The following GAREM1 variants were observed in gnomAD, a reference collection of about 807,000 sequenced individuals.
The protein encoded by GAREM1 is GRB2 associated regulator of MAPK1 subtype 1.
In GAREM1, 26 loss-of-function variants were observed where a neutral mutation model predicts 71.3. The ratio of observed to expected loss-of-function variants is 0.36; its 90% CI spans 0.27 to 0.51. GAREM1 has a LOEUF of 0.51. GAREM1 is among the 20% of genes least tolerant of loss of function. The pLI, the probability that GAREM1 is intolerant of heterozygous loss-of-function variation, is 0.95. For synonymous variants in GAREM1, 440 were observed against 433.2 expected (o/e 1.02, Z -0.20); for missense variants, 1,026 against 1,103.1 (o/e 0.93, Z 0.99).
intron 4 of GAREM1, among the ~76,000 whole-genome samples, chr18:32,285,878 C>T (rs1021583142): frequency 6.6e-6 from 1 of 152,162 alleles, no homozygotes; most frequent in East Asian, 1.9e-4. Context: ...CCCAGGGTTC[C>T]AGAAAGGTGT....
intron 1 of GAREM1, among the ~76,000 whole-genome samples, chr18:32,464,043 T>TTTG (rs2048976861): frequency 6.7e-6 from 1 of 148,992 alleles, no homozygotes; most frequent in Admixed American, 6.6e-5. Context: ...ATCCCAGCAC[T>TTTG]TTGAGAGGCC....
chr18:32,437,113 A>G (rs903105556), intron 1 of GAREM1, among the ~76,000 whole-genome samples: 1 of 152,244 alleles, frequency 6.6e-6, no homozygotes, highest in Non-Finnish European at 1.5e-5. Flanking sequence ...TAAAATGATG[A>G]AAGTGACAAA....
chr18:32,428,764 A>G (rs917697271), intron 1 of GAREM1, among the ~76,000 whole-genome samples: 1 of 152,220 alleles, frequency 6.6e-6, no homozygotes, highest in Non-Finnish European at 1.5e-5. Flanking sequence ...CCCAGACACA[A>G]CATTTAATAC....
At chr18:32,318,612 C>T (rs2047402621) in intron 2 of GAREM1, among the ~76,000 whole-genome samples, 1 of 152,206 alleles carries the variant, frequency 6.6e-6, no homozygotes, top group Admixed American at 6.5e-5. Flanking sequence ...GATGAAGATG[C>T]AGCTCCGCAT....
chr18:32,469,309 C>T (rs1015213947), intron 1 of GAREM1, among the ~76,000 whole-genome samples: 3 of 152,204 alleles, frequency 2.0e-5, no homozygotes, highest in Non-Finnish European at 4.4e-5. Context: ...TTCTTCTGAC[C>T]TGGCCTGTGT....
At chr18:32,359,127 AGTTTT>A (rs1334754685) in intron 2 of GAREM1, among the ~76,000 whole-genome samples, 1 of 152,222 alleles carries the variant, frequency 6.6e-6, no homozygotes, top group Non-Finnish European at 1.5e-5. Context: ...TGCCTGCTTT[AGTTTT>A]AAGTCAAACT....
intron 1 of GAREM1, among the ~76,000 whole-genome samples, chr18:32,396,182 C>T (rs550968261): frequency 4.0e-4 from 61 of 152,146 alleles, no homozygotes; most frequent in African/African-American, 8.0e-4. Flanking sequence ...CCATCAAAGA[C>T]CAAAAGTAGA....
At chr18:32,394,083 A>C (rs2048228566) in intron 1 of GAREM1, among the ~76,000 whole-genome samples, 1 of 152,208 alleles carries the variant, frequency 6.6e-6, no homozygotes, top group African/African-American at 2.4e-5. Flanking sequence ...AAAATGTCTA[A>C]TTTGTTTCCA....
chr18:32,290,472 GTC>G (rs1179550444), intron 3 of GAREM1: 26 of 151,738 alleles, frequency 1.7e-4, no homozygotes, highest in African/African-American at 5.8e-4. Flanking sequence ...GGTGAAACCT[GTC>G]TCTATTAAAA....
chr18:32,367,425 C>T (rs2047937219), intron 2 of GAREM1, among the ~76,000 whole-genome samples: 2 of 152,124 alleles, frequency 1.3e-5, no homozygotes, highest in South Asian at 4.1e-4. Context: ...CAGACAAAGC[C>T]TCTTCTTCTC....
chr18:32,284,840 C>T (rs561090934), intron 4 of GAREM1, among the ~76,000 whole-genome samples: 82 of 151,592 alleles, frequency 5.4e-4, no homozygotes, highest in African/African-American at 1.9e-3. Flanking sequence ...AGCTCCACCT[C>T]CTGGGTTCAT....
chr18:32,374,274 T>C (rs1314168300), intron 2 of GAREM1, among the ~76,000 whole-genome samples: 1 of 152,220 alleles, frequency 6.6e-6, no homozygotes, highest in African/African-American at 2.4e-5. Context: ...CGTTCAGTCA[T>C]TACATCTCAC....
At chr18:32,307,812 T>G (rs1008503751) in intron 3 of GAREM1, among the ~76,000 whole-genome samples, 1 of 152,210 alleles carries the variant, frequency 6.6e-6, no homozygotes, top group Non-Finnish European at 1.5e-5. Context: ...TGTGAGCCAC[T>G]GTGCCCTGGC....
At chr18:32,379,864 CAT>C (rs1411178801) in intron 2 of GAREM1, among the ~76,000 whole-genome samples, 2 of 152,132 alleles carry the variant, frequency 1.3e-5, no homozygotes, top group Non-Finnish European at 2.9e-5. Flanking sequence ...TTAAAAATCA[CAT>C]GTCATGTAGA....
intron 3 of GAREM1, among the ~76,000 whole-genome samples, chr18:32,295,712 T>C (rs1432834209): frequency 6.6e-6 from 1 of 152,218 alleles, no homozygotes; most frequent in African/African-American, 2.4e-5. Context: ...TTGTTTCCAA[T>C]AGTGAAGTGA....
chr18:32,313,630 G>T (rs2047346753), intron 2 of GAREM1, among the ~76,000 whole-genome samples: 1 of 152,192 alleles, frequency 6.6e-6, no homozygotes, highest in African/African-American at 2.4e-5. Context: ...AGGCTTGGTA[G>T]GTAACTGACA....
rs2047039472 is a variant in GAREM1, at chr18:32,287,706, A to G, written c.891T>C (p.Phe297=). ...ACTTGGGGACAGTCAAGTGCAAAGG[A>G]AAGTGCATGGGGAGGATCTTGTTGT... ...LRNNKILPMH[F]PLHLTVPKFS... is the part of the protein sequence containing the mutation. Residue 297 remains phenylalanine, a synonymous_variant, in exon 4 of 6, where the codon TTT becomes TTC. Transcript: ENST00000269209. The surrounding 1 kb of genome is among the most constrained non-coding windows in gnomAD (Gnocchi z 5.9). The G allele has an allele frequency of 4.3e-6, 7 of 1,614,146 alleles. No individual in the cohort carries two copies. Among genetic ancestry groups the G allele is most frequent in the South Asian group, 1.1e-5 (1 of 91,070 alleles).
At chr18:32,275,695 T>A (rs1489414185) in intron 4 of GAREM1, among the ~76,000 whole-genome samples, 1 of 152,194 alleles carries the variant, frequency 6.6e-6, no homozygotes, top group Admixed American at 6.5e-5. Flanking sequence ...TCTTTTTTTT[T>A]GAGACTGAGT....
At position 32,268,394 on chromosome 18, in the gene GAREM1, A is replaced by G; in HGVS notation, c.2108T>C (p.Leu703Pro). Residue 703 changes from leucine to proline, a missense_variant, in exon 6 of 6, where the codon CTG becomes CCG. Coordinates refer to ENST00000269209, the MANE Select transcript of GAREM1 (RefSeq NM_001242409.2). ...AAGAGATTTCACATCTGTGCTCTCCAGAGAGTAGCTGGCTGACTTGGGACA... is the reference window on the plus strand; with the variant it reads ...AAGAGATTTCACATCTGTGCTCTCCGGAGAGTAGCTGGCTGACTTGGGACA... ...SGCPKSASYS[L>P]ESTDVKSLAA... 6.2e-7 allele frequency: 1 copy of G among 1,614,200 alleles called. No homozygotes were observed. The highest frequency in any genetic ancestry group is 1.3e-5 in the African/African-American group (1 of 75,052).
Sources: allele counts gnomAD v4.1 joint callset (sites outside exome capture counted in the v4.1 genomes callset), GRCh38; gene constraint gnomAD v4.1.1; non-coding constraint Gnocchi (gnomAD v3.1); transcripts MANE v1.5; gene names NCBI Gene and HGNC (gene_info 2026-07-23, HGNC 2026-07-21).